Variants in LMBRD1 observed in about 807,000 individuals in gnomAD.
The protein encoded by LMBRD1 is lysosomal cobalamin transport escort protein LMBD1.
A neutral mutation model predicts 74.8 loss-of-function variants in LMBRD1; 64 were observed. The ratio of observed to expected loss-of-function variants is 0.86; its 90% CI spans 0.70 to 1.05. The LOEUF is 1.05. Ranked by LOEUF, LMBRD1 falls within the 50% of genes least tolerant of loss-of-function variation. The pLI, the probability that LMBRD1 is intolerant of heterozygous loss-of-function variation, is 0.00. For missense variants in LMBRD1, 652 were observed against 645.9 expected, an observed-to-expected ratio of 1.01 and a Z score of -0.10; for synonymous variants, 204 against 216.3, an observed-to-expected ratio of 0.94 and a Z score of 0.50.
At chr6:69,793,718 C>CTTT (rs34341228) in intron 1 of LMBRD1, among the ~76,000 whole-genome samples, 1,647 of 95,954 alleles carry the variant, frequency 0.017, 65 homozygotes, top group African/African-American at 0.053. Context: ...TGTCCTGAAT[C>CTTT]TTTTTTTTTT....
intron 7 of LMBRD1, among the ~76,000 whole-genome samples, chr6:69,736,681 C>A (rs982051669): frequency 6.6e-6 from 1 of 152,150 alleles, no homozygotes; most frequent in South Asian, 2.1e-4. Flanking sequence ...CAAATAGTAT[C>A]ATTTGACCTT....
At chr6:69,721,635 A>C (rs1766617002) in intron 7 of LMBRD1, among the ~76,000 whole-genome samples, 1 of 152,184 alleles carries the variant, frequency 6.6e-6, no homozygotes. Flanking sequence ...GATCCAGCAC[A>C]TTCCCAGCTA....
At chr6:69,715,028 T>C (rs974914585) in intron 8 of LMBRD1, among the ~76,000 whole-genome samples, 1 of 152,082 alleles carries the variant, frequency 6.6e-6, no homozygotes, top group African/African-American at 2.4e-5. Context: ...CATTACATAC[T>C]ACAGACTATA....
rs1396736133 is a variant in LMBRD1 at position 69,679,264 on chromosome 6, G to A, written c.1418-2723C>T. On this transcript the variant is annotated intron_variant, in intron 14 of 15. Coordinates refer to ENST00000649934, the MANE Select transcript of LMBRD1 (RefSeq NM_018368.4). Reference sequence around the variant, plus strand: ...GAAAGCCTTTAAGCAGCATTAGCTGGACATATTTCTGTCTCCTATAGTTAC... The same window carrying A: ...GAAAGCCTTTAAGCAGCATTAGCTGAACATATTTCTGTCTCCTATAGTTAC... Among the ~76,000 whole-genome samples, 6 of 152,176 alleles carry A rather than the reference G, an allele frequency of 3.9e-5. 1 individual carries two copies. The South Asian group carries it at 1.2e-3, about 32-fold the overall frequency.
intron 1 of LMBRD1, among the ~76,000 whole-genome samples, chr6:69,793,833 C>T (rs1582172248): frequency 6.6e-6 from 1 of 151,492 alleles, no homozygotes; most frequent in East Asian, 1.9e-4. Flanking sequence ...AATCCTCCCA[C>T]CTCAGCCTTC....
At chr6:69,718,809 G>T in intron 8 of LMBRD1, 147 bp downstream of exon 8, 1 of 767,096 alleles carries the variant, frequency 1.3e-6, no homozygotes, top group East Asian at 2.8e-5. Flanking sequence ...ATTTAAGTGA[G>T]GACACAGTCA....
At chr6:69,778,119 T>G (rs1297455381) in intron 3 of LMBRD1, among the ~76,000 whole-genome samples, 1 of 152,376 alleles carries the variant, frequency 6.6e-6, no homozygotes, top group Non-Finnish European at 1.5e-5. Context: ...TTAAATTTTC[T>G]TGTTTTGATT....
intron 3 of LMBRD1, among the ~76,000 whole-genome samples, chr6:69,764,836 A>G (rs892571410): frequency 1.2e-4 from 18 of 152,104 alleles, no homozygotes; most frequent in African/African-American, 4.3e-4. Context: ...TAACTTATTA[A>G]GGTTTCTCCT....
chr6:69,726,862 T>G (rs1181976547), intron 7 of LMBRD1, among the ~76,000 whole-genome samples: 2 of 152,174 alleles, frequency 1.3e-5, no homozygotes, highest in South Asian at 4.1e-4. Flanking sequence ...TTGTACATTT[T>G]AAAATAACTG....
Position 69,775,028 on chromosome 6 carries a change from AGGG to A in LMBRD1, c.307+5463_307+5465del, listed in dbSNP as rs1562121889. Among the ~76,000 whole-genome samples the A allele has an allele frequency of 2.3e-3, 271 of 120,096 alleles. 42 individuals carry two copies. Among genetic ancestry groups the A allele is most frequent in the East Asian group, 5.4e-3 (22 of 4,102 alleles). The allele number at this position is 120,096 out of a possible 152,430, so 78.8% of individuals were successfully genotyped here. ...GAGGGAGGGAGGGAGGGAGGGAGGG[AGGG>A]AGGGAAGGAAGGAAAAGATGAAGAA... On this transcript the variant is annotated intron_variant, in intron 3 of 15. Coordinates refer to ENST00000649934, the MANE Select transcript of LMBRD1 (RefSeq NM_018368.4).
intron 3 of LMBRD1, among the ~76,000 whole-genome samples, chr6:69,772,283 G>C (rs1048849303): frequency 5.9e-5 from 9 of 152,130 alleles, no homozygotes; most frequent in Admixed American, 2.6e-4. Context: ...GGATTAACCC[G>C]TGGGACATAC....
chr6:69,684,368 G>T (rs896142582), intron 14 of LMBRD1, among the ~76,000 whole-genome samples: 10 of 151,502 alleles, frequency 6.6e-5, no homozygotes, highest in Non-Finnish European at 1.2e-4. Flanking sequence ...TAATAAAAAA[G>T]AATTCCCCAA....
intron 9 of LMBRD1, 141 bp downstream of exon 9, chr6:69,713,504 G>T: frequency 1.3e-6 from 1 of 783,740 alleles, no homozygotes; most frequent in African/African-American, 1.7e-5. Context: ...AAAGAGAGCT[G>T]TGATTTAAAA....
Position 69,738,048 on chromosome 6 carries a change from A to C in LMBRD1, c.563-33T>G, listed in dbSNP as rs1453546375. 4 of 1,414,634 alleles carry C rather than the reference A, an allele frequency of 2.8e-6. No individual in the cohort carries two copies. The African/African-American group carries it at 5.7e-5, about 20-fold the overall frequency. 87.6% of individuals were successfully genotyped at this position (1,414,634 alleles called of 1,614,324 possible). The stretch of plus-strand genomic sequence containing the variant: ...GAAAGAAAAACTGTTAAAAATGTAC[A>C]TATATACTACTCAAATCCTTATATT... On this transcript the variant is annotated intron_variant, in intron 6 of 15. Coordinates refer to ENST00000649934, the MANE Select transcript of LMBRD1 (RefSeq NM_018368.4).
At chr6:69,691,830 C>T (rs997962969) in intron 14 of LMBRD1, among the ~76,000 whole-genome samples, 5 of 144,370 alleles carry the variant, frequency 3.5e-5, no homozygotes, top group African/African-American at 1.3e-4. Context: ...GAGCCAAGAT[C>T]GCGCCACTGC....
At chr6:69,698,913 C>A (rs1020574327) in intron 13 of LMBRD1, 130 bp downstream of exon 13, 12 of 650,594 alleles carry the variant, frequency 1.8e-5, no homozygotes, top group African/African-American at 3.7e-5. Context: ...AAATAAAAAA[C>A]CAGTTTTAGC....
chr6:69,679,124 G>A (rs990815849), intron 14 of LMBRD1, among the ~76,000 whole-genome samples: 16 of 151,574 alleles, frequency 1.1e-4, no homozygotes, highest in Non-Finnish European at 2.1e-4. Flanking sequence ...TTAGGAGCAA[G>A]GACTACCAAT....
At chr6:69,728,276 C>T (rs1766779247) in intron 7 of LMBRD1, among the ~76,000 whole-genome samples, 2 of 152,246 alleles carry the variant, frequency 1.3e-5, no homozygotes, top group Middle Eastern at 3.4e-3. Context: ...TTAGACACTA[C>T]CCCGATGATC....
At chr6:69,727,594 A>G (rs1766763145) in intron 7 of LMBRD1, among the ~76,000 whole-genome samples, 1 of 152,240 alleles carries the variant, frequency 6.6e-6, no homozygotes, top group African/African-American at 2.4e-5. Context: ...ACTGGGTACA[A>G]CATTCACAAT....
Sources: gnomAD v4.1 joint callset for allele counts (sites outside exome capture counted in the v4.1 genomes callset) on GRCh38, gnomAD v4.1.1 for gene constraint, MANE v1.5 for transcripts, NCBI Gene and HGNC (gene_info 2026-07-23, HGNC 2026-07-21) for gene names.